The following ZNF529 variants were observed in gnomAD, a reference collection of about 807,000 sequenced individuals.
ZNF529 encodes zinc finger protein 529.
ZNF529 carries 11 observed loss-of-function variants against 10.1 expected under a neutral mutation model. That is an observed-to-expected ratio of 1.09 (90% CI 0.69 to 1.81). The LOEUF is 1.81. Among genes scored for constraint, ZNF529 ranks in the 40% most tolerant of loss-of-function variants. The pLI is 0.00. For synonymous variants in ZNF529, 204 were observed against 215.7 expected (o/e 0.95, Z 0.47); for missense variants, 624 against 666.8 (o/e 0.94, Z 0.71).
chr19:36,547,612 C>T lies in ZNF529; in HGVS notation c.946G>A (p.Gly316Ser), dbSNP rs2035086637. Residue 316 changes from glycine to serine, a missense_variant, in exon 5 of 5, where the codon GGC becomes AGC. Gly to Ser is a moderately conservative substitution (Grantham distance 56). Transcript: ENST00000591340. ...TGTGAATGAAATCTGAAGTCCTTGC[C>T]ACATTCCATACATTTGTAAGTTTTC... ...DEKTYKCMEC[G>S]KDFRFHSQLT... The T allele has an allele frequency of 6.2e-7, 1 of 1,613,716 alleles. No homozygotes were observed. The highest frequency in any genetic ancestry group is 8.5e-7 in the Non-Finnish European group (1 of 1,179,728).
At chr19:36,592,968 A>G (rs560480364) in intron 1 of ZNF529, among the ~76,000 whole-genome samples, 7 of 152,322 alleles carry the variant, frequency 4.6e-5, no homozygotes, top group Admixed American at 1.3e-4. Context: ...TTGATAGTCT[A>G]TGAAAACTTC....
chr19:36,600,551 T>C (rs77583313), intron 1 of ZNF529, among the ~76,000 whole-genome samples: 1,524 of 152,322 alleles, frequency 0.01, 32 homozygotes, highest in African/African-American at 0.035. Context: ...ACTGACTTAA[T>C]ATTTACATAA....
intron 2 of ZNF529, among the ~76,000 whole-genome samples, chr19:36,561,583 G>A (rs1379345351): frequency 6.6e-6 from 1 of 152,116 alleles, no homozygotes; most frequent in East Asian, 1.9e-4. Context: ...CAGAGGCAGA[G>A]CCACTGCAGA....
intron 2 of ZNF529, among the ~76,000 whole-genome samples, chr19:36,557,721 G>A (rs2035534286): frequency 6.6e-6 from 1 of 152,266 alleles, no homozygotes; most frequent in South Asian, 2.1e-4. Context: ...CAGAGGGTGT[G>A]GACAAAAGTA....
intron 1 of ZNF529, among the ~76,000 whole-genome samples, chr19:36,602,036 G>A (rs1315523262): frequency 7.0e-6 from 1 of 143,738 alleles, no homozygotes; most frequent in African/African-American, 2.6e-5. Context: ...GTGAGCCACT[G>A]CACCTGAACG....
chr19:36,593,400 C>T (rs765930811), intron 1 of ZNF529, among the ~76,000 whole-genome samples: 5 of 152,192 alleles, frequency 3.3e-5, no homozygotes, highest in East Asian at 1.9e-4. Flanking sequence ...AACTCCAGGG[C>T]TCAAGCGATC....
rs561277715 is a variant in ZNF529 at position 36,550,141 on chromosome 19, T to A, written c.236-1819A>T. ...AGAATAATTTTCTGTGACTTAATTATGTATAAGATGAAATAATGCAGGCAT... is the reference window on the plus strand; with the variant it reads ...AGAATAATTTTCTGTGACTTAATTAAGTATAAGATGAAATAATGCAGGCAT... On this transcript the variant is annotated intron_variant, in intron 4 of 4. Transcript: ENST00000591340. 5.7e-4 allele frequency among the ~76,000 whole-genome samples: 87 copies of A among 152,310 alleles called. 1 individual carries two copies. The highest frequency in any genetic ancestry group is 1.1e-3 in the Non-Finnish European group (78 of 68,026).
chr19:36,548,099 T>C lies in ZNF529; in HGVS notation c.459A>G (p.Lys153=), dbSNP rs769522596. 5.0e-6 allele frequency: 8 copies of C among 1,613,882 alleles called. No individual in the cohort carries two copies. In the South Asian group the frequency reaches 8.8e-5, roughly 18 times the overall value. ...KIISENVPSY[K]THESLTLPRR... is the part of the protein sequence containing the mutation. Reference sequence around the variant, plus strand: ...GAGGTAAAGTAAGAGATTCATGAGTTTTGTAACTGGGCACATTTTCAGAGA... The same window carrying C: ...GAGGTAAAGTAAGAGATTCATGAGTCTTGTAACTGGGCACATTTTCAGAGA... Residue 153 remains lysine (K), a synonymous_variant, in exon 5 of 5, where the codon AAA becomes AAG. Transcript: ENST00000591340.
At chr19:36,566,427 C>A (rs1226657577) in intron 2 of ZNF529, among the ~76,000 whole-genome samples, 1 of 152,030 alleles carries the variant, frequency 6.6e-6, no homozygotes, top group Non-Finnish European at 1.5e-5. Flanking sequence ...TGGCTCATAC[C>A]ACTTATCCCA....
chr19:36,577,217 C>T (rs189449343), upstream of ZNF529: 225 of 453,002 alleles, frequency 5.0e-4, 1 homozygote, highest in Non-Finnish European at 8.7e-4. Context: ...TCCTTGACCT[C>T]CCAAAGTGCT....
At chr19:36,551,363 C>A (rs1053596176) in intron 4 of ZNF529, among the ~76,000 whole-genome samples, 43 of 152,018 alleles carry the variant, frequency 2.8e-4, no homozygotes, top group African/African-American at 1.0e-3. Context: ...AAGGATAAAG[C>A]CAAAGCACAC....
chr19:36,555,334 C>T (rs528427162), intron 3 of ZNF529, among the ~76,000 whole-genome samples: 1 of 25,470 alleles, frequency 3.9e-5, no homozygotes, highest in Admixed American at 2.5e-4. Context: ...TCGCCCAGGC[C>T]GGACTGCGGA....
chr19:36,578,343 T>C (rs2036385133), intron 2 of ZNF529, among the ~76,000 whole-genome samples: 2 of 118,164 alleles, frequency 1.7e-5, no homozygotes, highest in Admixed American at 2.1e-4. Flanking sequence ...TCTCACTCTG[T>C]TGCCCAGGCT....
At chr19:36,561,820 C>T (rs978218005) in intron 2 of ZNF529, among the ~76,000 whole-genome samples, 12 of 152,196 alleles carry the variant, frequency 7.9e-5, no homozygotes, top group Admixed American at 5.2e-4. Context: ...CTGGAACATG[C>T]GACAAGGAGT....
At chr19:36,593,180 C>A (rs1057138137) in intron 1 of ZNF529, among the ~76,000 whole-genome samples, 1 of 152,036 alleles carries the variant, frequency 6.6e-6, no homozygotes, top group African/African-American at 2.4e-5. Flanking sequence ...AGAGTAGATT[C>A]TTTTTTCTTT....
upstream of ZNF529, chr19:36,578,060 T>C (rs1209441069): frequency 5.2e-4 from 16 of 30,922 alleles, no homozygotes; most frequent in Non-Finnish European, 6.8e-5. Context: ...GTGGGGGAGA[T>C]TTTTTTTTTT....
At position 36,547,580 on chromosome 19, in the gene ZNF529, G is replaced by C. The variant is rs751023532; in HGVS notation, c.978C>G (p.Thr326=). The change falls in exon 5 of 5, where the codon ACC becomes ACG. Residue 326 remains threonine (T), a synonymous_variant. Transcript: ENST00000591340. Reference sequence around the variant, plus strand: ...CACCAGTATGAATTCTCTGATGTTCGGTAAGCTGTGAATGAAATCTGAAGT... The same window carrying C: ...CACCAGTATGAATTCTCTGATGTTCCGTAAGCTGTGAATGAAATCTGAAGT... ...GKDFRFHSQL[T]EHQRIHTGEK... 1 of 1,613,640 alleles carries C rather than the reference G, an allele frequency of 6.2e-7. No homozygotes were observed. The highest frequency in any genetic ancestry group is 1.3e-5 in the African/African-American group (1 of 74,904).
chr19:36,602,852 C>A (rs1054498303), intron 1 of ZNF529, among the ~76,000 whole-genome samples: 2 of 151,864 alleles, frequency 1.3e-5, no homozygotes, highest in Non-Finnish European at 2.9e-5. Context: ...ATCGCTTGAA[C>A]CCAGAAGGCG....
chr19:36,560,876 T>C (rs2035665345), intron 2 of ZNF529, among the ~76,000 whole-genome samples: 1 of 152,112 alleles, frequency 6.6e-6, no homozygotes. Flanking sequence ...GAAGAAACAA[T>C]ACAAAGATGG....
Sources: gnomAD v4.1 joint callset for allele counts (sites outside exome capture counted in the v4.1 genomes callset) on GRCh38, gnomAD v4.1.1 for gene constraint, MANE v1.5 for transcripts, NCBI Gene and HGNC (gene_info 2026-07-23, HGNC 2026-07-21) for gene names.